The following DIP2B variants were observed in gnomAD, a reference collection of about 807,000 sequenced individuals.
DIP2B encodes the protein disco-interacting protein 2 homolog B.
Under a neutral mutation model 198.0 loss-of-function variants are expected in DIP2B, and 76 were observed. The ratio of observed to expected loss-of-function variants is 0.38; its 90% CI spans 0.32 to 0.46. The LOEUF (loss-of-function observed/expected upper bound fraction) is 0.46, where lower values mean the gene tolerates loss of function less well. DIP2B is among the 20% of genes least tolerant of loss of function. The probability of loss-of-function intolerance (pLI) is 0.99; values close to 1 mark genes in which losing one functional copy is unlikely to be tolerated. For missense variants in DIP2B, 1,559 were observed against 1,978.4 expected, an observed-to-expected ratio of 0.79 and a Z score of 4.02; for synonymous variants, 701 against 739.1, an observed-to-expected ratio of 0.95 and a Z score of 0.84.
chr12:50,606,805 GTT>G (rs766361752), intron 1 of DIP2B, among the ~76,000 whole-genome samples: 2 of 141,040 alleles, frequency 1.4e-5, no homozygotes, highest in African/African-American at 5.2e-5. Context: ...TTCTTTTTCT[GTT>G]TTTTTTTTTT....
At chr12:50,599,500 C>G (rs913024668) in intron 1 of DIP2B, among the ~76,000 whole-genome samples, 1 of 151,964 alleles carries the variant, frequency 6.6e-6, no homozygotes, top group Non-Finnish European at 1.5e-5. Context: ...GCCTGTTATC[C>G]CAGCTACTTG....
At chr12:50,585,905 A>G (rs559156514) in intron 1 of DIP2B, among the ~76,000 whole-genome samples, 4 of 152,304 alleles carry the variant, frequency 2.6e-5, no homozygotes, top group Middle Eastern at 3.4e-3. Flanking sequence ...ATCTATCACT[A>G]TAAGCTCTAT....
chr12:50,706,690 T>G lies in DIP2B; in HGVS notation c.2534+25T>G, dbSNP rs768122406. ...GGTGAGTAGTACAAAATTCAAATGTTAGCACCTTTTAATGGAATCTAAATA... is the reference window on the plus strand; with the variant it reads ...GGTGAGTAGTACAAAATTCAAATGTGAGCACCTTTTAATGGAATCTAAATA... On this transcript the variant is annotated intron_variant, in intron 21 of 37. Transcript: ENST00000301180. The G allele has an allele frequency of 8.7e-6, 14 of 1,612,030 alleles. No homozygotes were observed. In the African/African-American group the frequency reaches 1.6e-4, roughly 18 times the overall value.
At chr12:50,680,638 A>G (rs776061977) in intron 8 of DIP2B, 34 bp from the exon 9 acceptor site, 1 of 1,591,448 alleles carries the variant, frequency 6.3e-7, no homozygotes, top group Non-Finnish European at 8.6e-7. Context: ...TTTTTTTTCT[A>G]TATGACTGTT....
At chr12:50,506,259 A>T (rs74411960) in intron 1 of DIP2B, among the ~76,000 whole-genome samples, 1,662 of 152,254 alleles carry the variant, frequency 0.011, 54 homozygotes, top group Admixed American at 0.053. Flanking sequence ...AGAGTTGCAT[A>T]TTCTTACTGA....
At chr12:50,671,867 G>A (rs562419220) in intron 5 of DIP2B, among the ~76,000 whole-genome samples, 1 of 152,312 alleles carries the variant, frequency 6.6e-6, no homozygotes, top group South Asian at 2.1e-4. Context: ...TTGCTGCTGT[G>A]ATATTGCTAC....
At chr12:50,568,210 T>G (rs1022320086) in intron 1 of DIP2B, among the ~76,000 whole-genome samples, 1 of 152,190 alleles carries the variant, frequency 6.6e-6, no homozygotes, top group Non-Finnish European at 1.5e-5. Flanking sequence ...TTTGCTGTCC[T>G]TCTTTGGAAC....
At chr12:50,593,385 G>T (rs1436189719) in intron 1 of DIP2B, among the ~76,000 whole-genome samples, 1 of 151,990 alleles carries the variant, frequency 6.6e-6, no homozygotes, top group Admixed American at 6.6e-5. Context: ...TGCACCTGTA[G>T]TCCCAGCTTC....
intron 1 of DIP2B, among the ~76,000 whole-genome samples, chr12:50,619,905 T>G (rs1297081059): frequency 6.6e-6 from 1 of 151,934 alleles, no homozygotes; most frequent in Non-Finnish European, 1.5e-5. Context: ...AAAAAACTTT[T>G]TAAAAATTAG....
intron 3 of DIP2B, among the ~76,000 whole-genome samples, chr12:50,642,813 G>T (rs1938281586): frequency 1.3e-5 from 2 of 152,118 alleles, no homozygotes; most frequent in African/African-American, 4.8e-5. Flanking sequence ...ACACATCGTG[G>T]TTACTAGTTA....
intron 34 of DIP2B, among the ~76,000 whole-genome samples, chr12:50,735,478 T>TG (rs1940122228): frequency 1.2e-5 from 1 of 85,738 alleles, no homozygotes. Context: ...TTGTTTTTTG[T>TG]TTTTTTTGAG....
intron 1 of DIP2B, among the ~76,000 whole-genome samples, chr12:50,583,129 C>T (rs1028639752): frequency 1.3e-5 from 2 of 152,120 alleles, no homozygotes; most frequent in Admixed American, 1.3e-4. Context: ...GCCTGGAAGC[C>T]CTACTGGTAA....
chr12:50,603,270 C>T (rs569381944), intron 1 of DIP2B, among the ~76,000 whole-genome samples: 1 of 152,120 alleles, frequency 6.6e-6, no homozygotes, highest in East Asian at 1.9e-4. Context: ...GCCCTTTTTA[C>T]ACATAAGCAA....
intron 1 of DIP2B, among the ~76,000 whole-genome samples, chr12:50,538,267 G>A (rs1958287871): frequency 6.6e-6 from 1 of 152,152 alleles, no homozygotes; most frequent in African/African-American, 2.4e-5. Flanking sequence ...GGAGGTTGGT[G>A]TGGGGATAAA....
chr12:50,662,823 A>G (rs1017753648), intron 4 of DIP2B, among the ~76,000 whole-genome samples: 1 of 152,130 alleles, frequency 6.6e-6, no homozygotes, highest in East Asian at 1.9e-4. Flanking sequence ...TACCAAAGTG[A>G]CCTAAAGCGG....
chr12:50,657,650 A>G (rs1167783876), intron 3 of DIP2B, among the ~76,000 whole-genome samples: 1 of 152,186 alleles, frequency 6.6e-6, no homozygotes, highest in Non-Finnish European at 1.5e-5. Flanking sequence ...GAAGAAGACA[A>G]CAAATTATTT....
At chr12:50,634,477 T>C (rs535338226) in intron 2 of DIP2B, among the ~76,000 whole-genome samples, 41 of 152,314 alleles carry the variant, frequency 2.7e-4, no homozygotes, top group Admixed American at 1.6e-3. Flanking sequence ...ACAGTATGTA[T>C]TTACTGAGTG....
intron 1 of DIP2B, among the ~76,000 whole-genome samples, chr12:50,605,912 C>G (rs1257857374): frequency 6.6e-6 from 1 of 152,148 alleles, no homozygotes; most frequent in Non-Finnish European, 1.5e-5. Flanking sequence ...ACCTTCGCCC[C>G]CCAGGTTCAA....
At position 50,635,747 on chromosome 12, in the gene DIP2B, G is replaced by A. The variant is rs180857886; in HGVS notation, c.173-4977G>A. On this transcript the variant is annotated intron_variant, in intron 2 of 37. Coordinates refer to ENST00000301180, the MANE Select transcript of DIP2B (RefSeq NM_173602.3). Reference sequence around the variant, plus strand: ...TAACCCTATTTTCCTTAATGTCCTTGTGTAAGTATATGAAGATAATGAGAG... The same window carrying A: ...TAACCCTATTTTCCTTAATGTCCTTATGTAAGTATATGAAGATAATGAGAG... 7.6e-4 allele frequency among the ~76,000 whole-genome samples: 115 copies of A among 152,258 alleles called. 1 individual carries two copies. The highest frequency in any genetic ancestry group is 2.7e-3 in the African/African-American group (112 of 41,536).
Sources: gnomAD v4.1 joint callset for allele counts (sites outside exome capture counted in the v4.1 genomes callset) on GRCh38, gnomAD v4.1.1 for gene constraint, MANE v1.5 for transcripts, NCBI Gene and HGNC (gene_info 2026-07-23, HGNC 2026-07-21) for gene names.